The following DOCK3 variants were observed in gnomAD, a reference collection of about 807,000 sequenced individuals.
DOCK3 encodes the protein dedicator of cytokinesis 3.
Under a neutral mutation model 265.6 loss-of-function variants are expected in DOCK3, and 60 were observed. The observed-to-expected ratio is 0.23, with a 90% CI of 0.18 to 0.28. The LOEUF is 0.28. Among genes scored for constraint, DOCK3 ranks in the 10% least tolerant of loss-of-function variants. The pLI is 1.00. For missense variants in DOCK3, 1,981 were observed against 2,594.3 expected, an observed-to-expected ratio of 0.76 and a Z score of 5.14; for synonymous variants, 881 against 938.0, an observed-to-expected ratio of 0.94 and a Z score of 1.11.
chr3:50,783,916 G>A (rs1283263945), intron 2 of DOCK3, among the ~76,000 whole-genome samples: 1 of 148,844 alleles, frequency 6.7e-6, no homozygotes, highest in African/African-American at 2.5e-5. Flanking sequence ...TTTCCAGGCT[G>A]GGGTGCAGTG....
At chr3:50,931,433 C>G (rs760873335) in intron 4 of DOCK3, among the ~76,000 whole-genome samples, 2 of 152,162 alleles carry the variant, frequency 1.3e-5, no homozygotes, top group Non-Finnish European at 2.9e-5. Flanking sequence ...CTGATTGTTT[C>G]TATACATCTC....
intron 4 of DOCK3, among the ~76,000 whole-genome samples, chr3:50,901,169 C>T (rs2049171381): frequency 6.7e-6 from 1 of 150,008 alleles, no homozygotes; most frequent in African/African-American, 2.4e-5. Flanking sequence ...TAGAGATGCC[C>T]TGCCCAGAGG....
At chr3:50,965,424 A>G (rs915306728) in intron 5 of DOCK3, among the ~76,000 whole-genome samples, 1 of 152,122 alleles carries the variant, frequency 6.6e-6, no homozygotes, top group Non-Finnish European at 1.5e-5. Context: ...AGGAGAAATA[A>G]TAAAGATCTG....
At chr3:51,087,903 A>T (rs2109528166) in intron 7 of DOCK3, among the ~76,000 whole-genome samples, 1 of 152,318 alleles carries the variant, frequency 6.6e-6, no homozygotes. Flanking sequence ...CTGGATATTT[A>T]TCAAAAAGAA....
At chr3:50,844,165 T>C (rs1037242864) in intron 3 of DOCK3, among the ~76,000 whole-genome samples, 3 of 152,226 alleles carry the variant, frequency 2.0e-5, no homozygotes, top group African/African-American at 4.8e-5. Context: ...AAACACAGAA[T>C]AGCTCAAATA....
At chr3:50,867,749 C>G (rs1049844871) in intron 3 of DOCK3, among the ~76,000 whole-genome samples, 8 of 151,946 alleles carry the variant, frequency 5.3e-5, no homozygotes, top group Admixed American at 2.6e-4. Flanking sequence ...GTATGTTGAA[C>G]CATCCTTCCA....
At chr3:50,866,791 G>T (rs185447810) in intron 3 of DOCK3, among the ~76,000 whole-genome samples, 1 of 152,176 alleles carries the variant, frequency 6.6e-6, no homozygotes, top group East Asian at 1.9e-4. Flanking sequence ...TGGTGTATAT[G>T]TCTATATTTA....
chr3:51,029,040 C>CT (rs907283238), intron 5 of DOCK3, among the ~76,000 whole-genome samples: 7 of 151,924 alleles, frequency 4.6e-5, no homozygotes, highest in South Asian at 2.1e-4. Context: ...GCTGATGTTT[C>CT]TTTTTTTAAA....
intron 2 of DOCK3, among the ~76,000 whole-genome samples, chr3:50,808,796 G>A (rs2043574577): frequency 6.6e-6 from 1 of 152,214 alleles, no homozygotes; most frequent in Non-Finnish European, 1.5e-5. Context: ...ATGTATGAGA[G>A]AAGTGACATT....
intron 5 of DOCK3, among the ~76,000 whole-genome samples, chr3:50,986,408 A>G (rs887255006): frequency 2.0e-5 from 3 of 152,208 alleles, no homozygotes; most frequent in Non-Finnish European, 2.9e-5. Flanking sequence ...GAAATTGTGA[A>G]GATTAGTTTG....
At chr3:51,038,691 T>A (rs1016177285) in intron 5 of DOCK3, among the ~76,000 whole-genome samples, 9 of 152,202 alleles carry the variant, frequency 5.9e-5, no homozygotes, top group Non-Finnish European at 1.2e-4. Flanking sequence ...TACAGTTTCT[T>A]TTGGACCCCA....
At chr3:50,867,605 G>GT (rs55872881) in intron 3 of DOCK3, among the ~76,000 whole-genome samples, 66 of 141,412 alleles carry the variant, frequency 4.7e-4, no homozygotes, top group Admixed American at 8.3e-4. Flanking sequence ...CTAGTTACCT[G>GT]TTTTTTTTTT....
chr3:50,931,608 G>A (rs565799164), intron 4 of DOCK3, among the ~76,000 whole-genome samples: 1 of 152,292 alleles, frequency 6.6e-6, no homozygotes, highest in African/African-American at 2.4e-5. Context: ...TTTATCATTA[G>A]CTTACTCCTT....
At chr3:51,227,497 C>G (rs2090379882) in intron 16 of DOCK3, 52 bp downstream of exon 16, 1 of 1,603,952 alleles carries the variant, frequency 6.2e-7, no homozygotes, top group East Asian at 2.2e-5. Context: ...AAATATAACT[C>G]TCTCCTCTCT....
chr3:50,845,773 G>C (rs1343262866), intron 3 of DOCK3, among the ~76,000 whole-genome samples: 3 of 152,100 alleles, frequency 2.0e-5, no homozygotes, highest in Non-Finnish European at 4.4e-5. Context: ...GGGAGGCAGA[G>C]GTTCAAGCGA....
In DOCK3 at chr3:51,090,346, C is replaced by T. The variant is rs753192341; in HGVS notation, c.708C>T (p.Phe236=). 3 of 1,606,314 alleles carry T rather than the reference C, an allele frequency of 1.9e-6. No individual in the cohort carries two copies. In the East Asian group the frequency reaches 6.7e-5, roughly 36 times the overall value. ...YNTIGEDTDV[F]FSLYDMREGK... ...CTATTGGGGAAGATACCGATGTCTTCTTTTCCTTATATGACATGAGGGAAG... is the reference window on the plus strand; with the variant it reads ...CTATTGGGGAAGATACCGATGTCTTTTTTTCCTTATATGACATGAGGGAAG... The change falls in exon 9 of 53, where the codon TTC becomes TTT. Residue 236 remains phenylalanine, a synonymous_variant. Coordinates refer to ENST00000266037, the MANE Select transcript of DOCK3 (RefSeq NM_004947.5).
chr3:51,137,937 T>C (rs1576205415), intron 9 of DOCK3, among the ~76,000 whole-genome samples: 1 of 151,798 alleles, frequency 6.6e-6, no homozygotes, highest in African/African-American at 2.4e-5. Context: ...TTGACTCTCT[T>C]GGCCACAGTT....
At chr3:51,190,365 GCT>G (rs765010898) in intron 12 of DOCK3, among the ~76,000 whole-genome samples, 8 of 152,216 alleles carry the variant, frequency 5.3e-5, no homozygotes, top group Non-Finnish European at 8.8e-5. Context: ...ATCAGCACCA[GCT>G]CTGATAGGGG....
chr3:50,981,984 G>T (rs1473248716), intron 5 of DOCK3, among the ~76,000 whole-genome samples: 1 of 151,950 alleles, frequency 6.6e-6, no homozygotes, highest in African/African-American at 2.4e-5. Flanking sequence ...CAGTAGCTGG[G>T]ACTACAGGAG....
Sources: allele counts gnomAD v4.1 joint callset (sites outside exome capture counted in the v4.1 genomes callset), GRCh38; gene constraint gnomAD v4.1.1; transcripts MANE v1.5; gene names NCBI Gene and HGNC (gene_info 2026-07-23, HGNC 2026-07-21).